PHF24: variants seen among roughly 807,000 people sequenced by gnomAD.
The protein encoded by PHF24 is PHD finger protein 24.
In PHF24, 25 loss-of-function variants were observed where a neutral mutation model predicts 42.6. The ratio of observed to expected loss-of-function variants is 0.59; its 90% confidence interval spans 0.43 to 0.82. PHF24 has a LOEUF of 0.82. Among genes scored for constraint, PHF24 ranks in the 40% least tolerant of loss-of-function variants. PHF24 has a pLI of 0.00. For synonymous variants in PHF24, 185 were observed against 204.8 expected (o/e 0.90, Z 0.83); for missense variants, 470 against 538.1 (o/e 0.87, Z 1.25).
At chr9:34,808,403 A>C in the PHF24 span, among the ~76,000 whole-genome samples, 2 of 152,144 alleles carry the variant, frequency 1.3e-5, no homozygotes, top group African/African-American at 2.4e-5. Flanking sequence ...TTGAGACAAT[A>C]GTGAGCTATG....
chr9:34,731,059 G>T, the PHF24 span, among the ~76,000 whole-genome samples: 6 of 152,172 alleles, frequency 3.9e-5, no homozygotes, highest in Non-Finnish European at 7.3e-5. Context: ...AAAGGCAGAA[G>T]AGTGTATAGC....
chr9:34,696,848 G>A, the PHF24 span, among the ~76,000 whole-genome samples: 1 of 152,138 alleles, frequency 6.6e-6, no homozygotes, highest in Non-Finnish European at 1.5e-5. Flanking sequence ...TCTGGCAAAA[G>A]GCATGCCTTT....
the PHF24 span, chr9:34,690,424 C>CTGTGTGTGTGTGTGTG: frequency 2.2e-3 from 1,320 of 608,276 alleles, 5 homozygotes; most frequent in Non-Finnish European, 2.6e-3. Context: ...TTGAGGACAC[C>CTGTGTGTGTGTGTGTG]TGTGTGTGTG....
the PHF24 span, among the ~76,000 whole-genome samples, chr9:34,853,863 TTCTTTGTACC>T: frequency 3.3e-5 from 5 of 151,948 alleles, no homozygotes; most frequent in Non-Finnish European, 7.4e-5. Context: ...GCACCAGCTC[TTCTTTGTACC>T]TCTGGTAGGA....
chr9:34,729,030 G>A, the PHF24 span, among the ~76,000 whole-genome samples: 2 of 152,208 alleles, frequency 1.3e-5, no homozygotes, highest in African/African-American at 4.8e-5. Flanking sequence ...GAGCTTCCGA[G>A]ATCCAGCAAG....
chr9:34,874,776 A>T, the PHF24 span, among the ~76,000 whole-genome samples: 1 of 152,164 alleles, frequency 6.6e-6, no homozygotes, highest in African/African-American at 2.4e-5. Context: ...TAGACCTTTC[A>T]ATCACACAGA....
At chr9:34,907,257 G>C in the PHF24 span, among the ~76,000 whole-genome samples, 1 of 152,008 alleles carries the variant, frequency 6.6e-6, no homozygotes, top group Non-Finnish European at 1.5e-5. Context: ...CCAACTCCTG[G>C]GTCCATTCAT....
rs1826465430 is a variant in PHF24 at position 34,958,390 on chromosome 9, C to T, written c.-16C>T. The stretch of plus-strand genomic sequence containing the variant: ...CCGCCCCGGAGCCGCGTCCCGCACC[C>T]GGACGGTCCCGGTAAGCGGGGGCGG... On this transcript the variant is annotated 5_prime_UTR_variant, in exon 1 of 8. Transcript: ENST00000242315. This position sits in a 1 kb window ranked among gnomAD's most constrained non-coding sequence, Gnocchi z 4.5. 6.6e-6 allele frequency: 1 copy of T among 152,304 alleles called. No individual in the cohort carries two copies. Among genetic ancestry groups the T allele is most frequent in the African/African-American group, 2.4e-5 (1 of 41,402 alleles). 9.4% of individuals were successfully genotyped at this position (152,304 alleles called of 1,614,324 possible). A position where few individuals can be genotyped will look rare whatever the true frequency, so the allele number is the denominator to read the frequency against.
the PHF24 span, among the ~76,000 whole-genome samples, chr9:34,698,560 C>G: frequency 2.9e-4 from 44 of 152,182 alleles, 2 homozygotes; most frequent in East Asian, 8.3e-3. Context: ...TGCAATCGCG[C>G]GATCTCGGCT....
chr9:34,793,133 G>A, the PHF24 span, among the ~76,000 whole-genome samples: 3 of 151,656 alleles, frequency 2.0e-5, no homozygotes, highest in Non-Finnish European at 4.4e-5. Context: ...ATGAGATCAT[G>A]GGTATACTAC....
At chr9:34,868,635 A>G in the PHF24 span, among the ~76,000 whole-genome samples, 3 of 152,238 alleles carry the variant, frequency 2.0e-5, no homozygotes, top group Admixed American at 6.5e-5. Flanking sequence ...GCAGTATGAG[A>G]GAGCTCTGGT....
chr9:34,906,643 CAA>C, the PHF24 span, among the ~76,000 whole-genome samples: 8 of 66,126 alleles, frequency 1.2e-4, no homozygotes, highest in East Asian at 8.1e-4. Context: ...GACTCCATCT[CAA>C]AAAAAAAAAA....
At chr9:34,833,365 G>A in the PHF24 span, 1 of 1,550,920 alleles carries the variant, frequency 6.4e-7, no homozygotes, top group Non-Finnish European at 8.7e-7. Flanking sequence ...CTTTGGAATT[G>A]GATTGCTTTT....
the PHF24 span, among the ~76,000 whole-genome samples, chr9:34,677,817 T>A: frequency 3.3e-5 from 5 of 152,208 alleles, no homozygotes; most frequent in Non-Finnish European, 5.9e-5. Context: ...TTCCAGCCTC[T>A]GTGTCCTACC....
the PHF24 span, among the ~76,000 whole-genome samples, chr9:34,728,887 A>C: frequency 2.6e-5 from 4 of 152,162 alleles, no homozygotes; most frequent in Non-Finnish European, 5.9e-5. Context: ...CATCTGATTC[A>C]CAGAGAAGTC....
chr9:34,977,261 C>G lies in PHF24; in HGVS notation c.1010+18C>G, dbSNP rs116951905. On this transcript the variant is annotated intron_variant, in intron 6 of 7. Coordinates refer to ENST00000242315, the Ensembl canonical transcript of PHF24. ...AGTGTCAGGTCTGCTCCTTACCAGT[C>G]CTGGTCCCCACTCAGCCTCTCCTCC... The G allele has an allele frequency of 9.5e-6, 15 of 1,573,952 alleles. No homozygotes were observed. The highest frequency in any genetic ancestry group is 9.3e-5 in the South Asian group (8 of 85,774).
the PHF24 span, among the ~76,000 whole-genome samples, chr9:34,708,062 G>T: frequency 7.9e-4 from 121 of 152,202 alleles, 1 homozygote; most frequent in Non-Finnish European, 1.4e-3. Flanking sequence ...CCTTCCCCAG[G>T]ATCTGTTCCC....
At chr9:34,790,297 G>C in the PHF24 span, among the ~76,000 whole-genome samples, 2 of 152,230 alleles carry the variant, frequency 1.3e-5, no homozygotes, top group African/African-American at 2.4e-5. Flanking sequence ...AGCATTTCTC[G>C]TGTAAGGTTG....
chr9:34,832,681 C>T, the PHF24 span: 3 of 1,542,502 alleles, frequency 1.9e-6, no homozygotes, highest in South Asian at 3.6e-5. Flanking sequence ...AAGCTAGACT[C>T]TGTAAGGCTG....
Sources: gnomAD v4.1 joint callset for allele counts (sites outside exome capture counted in the v4.1 genomes callset) on GRCh38, gnomAD v4.1.1 for gene constraint, Gnocchi (gnomAD v3.1) non-coding constraint, MANE v1.5 for transcripts, NCBI Gene and HGNC (gene_info 2026-07-23, HGNC 2026-07-21) for gene names.